FUT8: variants seen among roughly 807,000 people sequenced by gnomAD.
FUT8 encodes the protein fucosyltransferase 8, also known as alpha-(1,6)-fucosyltransferase.
FUT8 carries 29 observed loss-of-function variants against 71.3 expected under a neutral mutation model. That is an observed-to-expected ratio of 0.41 (90% CI 0.30 to 0.55). The LOEUF (loss-of-function observed/expected upper bound fraction) is 0.55, where lower values mean the gene tolerates loss of function less well. FUT8 is among the 20% of genes least tolerant of loss of function. The probability of loss-of-function intolerance (pLI) is 0.34; values close to 1 mark genes in which losing one functional copy is unlikely to be tolerated. For synonymous variants in FUT8, 254 were observed against 239.3 expected (o/e 1.06, Z -0.57); for missense variants, 544 against 702.1 (o/e 0.77, Z 2.55).
At chr14:65,392,671 A>C in the FUT8 span, among the ~76,000 whole-genome samples, 1 of 152,232 alleles carries the variant, frequency 6.6e-6, no homozygotes, top group East Asian at 1.9e-4. Flanking sequence ...ACTATAATAC[A>C]TGAATAATAG....
intron 2 of FUT8, among the ~76,000 whole-genome samples, chr14:65,521,235 A>C (rs1418664740): frequency 6.6e-6 from 1 of 152,180 alleles, no homozygotes; most frequent in African/African-American, 2.4e-5. Context: ...GAATTATAGA[A>C]AAACTGAAAC....
intron 7 of FUT8, among the ~76,000 whole-genome samples, chr14:65,711,133 G>T (rs1894795460): frequency 6.6e-6 from 1 of 152,160 alleles, no homozygotes; most frequent in Non-Finnish European, 1.5e-5. Flanking sequence ...ATGAGATTAG[G>T]AGGGGGCAAA....
Position 65,733,222 on chromosome 14 carries a change from T to C in FUT8, c.1260-9T>C. 6.4e-7 allele frequency: 1 copy of C among 1,570,244 alleles called. No homozygotes were observed. Among genetic ancestry groups the C allele is most frequent in the Non-Finnish European group, 8.7e-7 (1 of 1,148,604 alleles). ...CTATGACCATCTATAAATTAATTTA[T>C]TTTTTCAGGTACCCCAATTATGAAT... On this transcript the variant is annotated splice_polypyrimidine_tract_variant and intron_variant, in intron 9 of 10. Coordinates refer to ENST00000673929, the MANE Select transcript of FUT8 (RefSeq NM_001371533.1).
rs184583597 is a variant in FUT8 at position 65,441,962 on chromosome 14, G to A, written c.-325-13659G>A. On this transcript the variant is annotated intron_variant, in intron 1 of 10. Coordinates refer to ENST00000673929, the MANE Select transcript of FUT8 (RefSeq NM_001371533.1). ...ATCCCTCCTCCTCCCACAACCCCAC[G>A]ACAGGCCCCGGTGTGTGATGTTCCC... Among the ~76,000 whole-genome samples the A allele has an allele frequency of 1.1e-3, 169 of 151,798 alleles. 2 individuals are homozygous for A. Among genetic ancestry groups the A allele is most frequent in the Admixed American group, 0.011 (167 of 15,226 alleles).
intron 1 of FUT8, among the ~76,000 whole-genome samples, chr14:65,417,329 A>C (rs1201248866): frequency 6.6e-6 from 1 of 151,966 alleles, no homozygotes; most frequent in African/African-American, 2.4e-5. Context: ...TCCTTTCCCC[A>C]GCTACCCCCC....
intron 5 of FUT8, chr14:65,617,056 G>T: frequency 6.3e-7 from 1 of 1,578,696 alleles, no homozygotes; most frequent in Non-Finnish European, 8.5e-7. Context: ...CTGTCTTTAG[G>T]CCTGTTATAT....
the FUT8 span, among the ~76,000 whole-genome samples, chr14:65,365,900 C>T: frequency 6.6e-6 from 1 of 151,836 alleles, no homozygotes; most frequent in Non-Finnish European, 1.5e-5. Context: ...TGCAGTGGTG[C>T]GATCTTGGCT....
At position 65,607,240 on chromosome 14, in the gene FUT8, G is replaced by A. The variant is rs1176068243; in HGVS notation, c.204-8738G>A. Among the ~76,000 whole-genome samples the A allele has an allele frequency of 1.3e-5, 2 of 151,802 alleles. No individual in the cohort carries two copies. Among genetic ancestry groups the A allele is most frequent in the African/African-American group, 4.8e-5 (2 of 41,400 alleles). On this transcript the variant is annotated intron_variant, in intron 3 of 10. Transcript: ENST00000673929. This position sits in a 1 kb window ranked among gnomAD's most constrained non-coding sequence, Gnocchi z 4.1. ...GCCTTCAGTACAGTGATGAATAGAA[G>A]CATAGATGGCAGGCCTGTCTTCTAT...
At chr14:65,613,531 G>A (rs528286138) in intron 3 of FUT8, among the ~76,000 whole-genome samples, 52 of 152,144 alleles carry the variant, frequency 3.4e-4, no homozygotes, top group African/African-American at 1.2e-3. Flanking sequence ...TTTATTATTC[G>A]CTTTGTGCTT....
chr14:65,596,416 A>G (rs1189940078), intron 3 of FUT8, among the ~76,000 whole-genome samples: 1 of 152,208 alleles, frequency 6.6e-6, no homozygotes, highest in Admixed American at 6.5e-5. Flanking sequence ...ATATAATTTT[A>G]TAGTATTCTT....
intron 2 of FUT8, among the ~76,000 whole-genome samples, chr14:65,540,567 A>G (rs919045183): frequency 6.6e-6 from 1 of 152,216 alleles, no homozygotes; most frequent in Non-Finnish European, 1.5e-5. Flanking sequence ...TTGTGCAACC[A>G]TCATCTCTAC....
rs1175577584 is a variant in FUT8, at chr14:65,550,033, C to T, written c.-227-11304C>T. ...CCGAGATCTCGCCACTGCACTCCAG[C>T]CTGGGTGACAGAGCGAGACTCTGTC... On this transcript the variant is annotated intron_variant, in intron 2 of 10. Coordinates refer to ENST00000673929, the MANE Select transcript of FUT8 (RefSeq NM_001371533.1). This position sits in a 1 kb window ranked among gnomAD's most constrained non-coding sequence, Gnocchi z 4.5. Among the ~76,000 whole-genome samples the T allele has an allele frequency of 2.0e-5, 3 of 152,112 alleles. No individual in the cohort carries two copies. Among genetic ancestry groups the T allele is most frequent in the Non-Finnish European group, 4.4e-5 (3 of 68,022 alleles).
chr14:65,692,307 A>G (rs1419368397), intron 7 of FUT8, among the ~76,000 whole-genome samples: 34 of 118,886 alleles, frequency 2.9e-4, no homozygotes, highest in Admixed American at 5.0e-4. Context: ...AGGGGCGGCC[A>G]GGCAGAGGCG....
intron 7 of FUT8, among the ~76,000 whole-genome samples, chr14:65,709,250 A>G (rs1447012671): frequency 1.3e-5 from 2 of 152,204 alleles, no homozygotes; most frequent in Non-Finnish European, 1.5e-5. Context: ...TATTAACAAT[A>G]TTACCTTTGA....
intron 3 of FUT8, among the ~76,000 whole-genome samples, chr14:65,610,650 A>T (rs939377504): frequency 2.0e-5 from 3 of 151,916 alleles, no homozygotes; most frequent in African/African-American, 7.2e-5. Flanking sequence ...CGGCCTCCCA[A>T]AGTGCTGGGA....
At chr14:65,665,658 G>T (rs1300299372) in intron 6 of FUT8, among the ~76,000 whole-genome samples, 1 of 152,000 alleles carries the variant, frequency 6.6e-6, no homozygotes. Flanking sequence ...CACTATTCAC[G>T]GTAGCAAAGA....
chr14:65,577,701 T>C (rs1223539934), intron 3 of FUT8, among the ~76,000 whole-genome samples: 2 of 152,152 alleles, frequency 1.3e-5, no homozygotes, highest in Non-Finnish European at 2.9e-5. Flanking sequence ...TTGCTCACCC[T>C]GAGATAAATC....
At chr14:65,369,846 GCC>G in the FUT8 span, among the ~76,000 whole-genome samples, 1 of 152,128 alleles carries the variant, frequency 6.6e-6, no homozygotes, top group Non-Finnish European at 1.5e-5. This position sits in a 1 kb window ranked among gnomAD's most constrained non-coding sequence, Gnocchi z 4.6. Context: ...CAGTTAAGCA[GCC>G]CATGCCACTG....
chr14:65,506,394 A>C (rs1209037187), intron 2 of FUT8, among the ~76,000 whole-genome samples: 2 of 152,234 alleles, frequency 1.3e-5, no homozygotes, highest in Non-Finnish European at 2.9e-5. Flanking sequence ...TAAGTAAACT[A>C]ATTTTGATAA....
Sources: allele counts gnomAD v4.1 joint callset (sites outside exome capture counted in the v4.1 genomes callset), GRCh38; gene constraint gnomAD v4.1.1; non-coding constraint Gnocchi (gnomAD v3.1); transcripts MANE v1.5; gene names NCBI Gene and HGNC (gene_info 2026-07-23, HGNC 2026-07-21).